The following WWOX variants were observed in gnomAD, a reference collection of about 807,000 sequenced individuals.
WWOX encodes WW domain-containing oxidoreductase.
In WWOX, 69 loss-of-function variants were observed where a neutral mutation model predicts 46.2. The observed-to-expected ratio is 1.49, with a 90% CI of 1.23 to 1.82. The LOEUF is 1.82. WWOX is among the 40% of genes most tolerant of loss of function. WWOX has a pLI of 0.00. For synonymous variants in WWOX, 359 were observed against 202.6 expected (o/e 1.77, Z -6.56); for missense variants, 919 against 542.6 (o/e 1.69, Z -6.89).
At chr16:78,800,457 C>G (rs1016401700) in intron 8 of WWOX, among the ~76,000 whole-genome samples, 4 of 152,132 alleles carry the variant, frequency 2.6e-5, no homozygotes, top group East Asian at 1.9e-4. Context: ...AAAATGGCCC[C>G]AAATAAAGTG....
At chr16:78,352,069 ATGG>A (rs1172653872) in intron 5 of WWOX, among the ~76,000 whole-genome samples, 1 of 152,142 alleles carries the variant, frequency 6.6e-6, no homozygotes, top group East Asian at 1.9e-4. Context: ...AGTGGTGGAG[ATGG>A]TGGCGCACAA....
chr16:78,173,935 T>C (rs916701518), intron 5 of WWOX, among the ~76,000 whole-genome samples: 2 of 151,822 alleles, frequency 1.3e-5, no homozygotes, highest in Non-Finnish European at 2.9e-5. Flanking sequence ...TGTGTCCTCA[T>C]ATGGTGGAGA....
chr16:78,783,471 G>T (rs1022923221), intron 8 of WWOX, among the ~76,000 whole-genome samples: 1 of 152,184 alleles, frequency 6.6e-6, no homozygotes, highest in African/African-American at 2.4e-5. Context: ...AGCTCTTTCT[G>T]CAAAGGGAAA....
At chr16:78,632,709 C>T (rs1208857957) in intron 8 of WWOX, among the ~76,000 whole-genome samples, 2 of 151,674 alleles carry the variant, frequency 1.3e-5, no homozygotes, top group East Asian at 2.0e-4. Context: ...CAGGTGTGCG[C>T]CACCACGCCC....
chr16:79,162,086 C>T (rs538978338), intron 8 of WWOX, among the ~76,000 whole-genome samples: 43 of 152,280 alleles, frequency 2.8e-4, no homozygotes, highest in African/African-American at 1.0e-3. Context: ...TCACTGGCTA[C>T]CCCCTGAATC....
chr16:78,699,666 G>A (rs2048171680), intron 8 of WWOX, among the ~76,000 whole-genome samples: 1 of 152,150 alleles, frequency 6.6e-6, no homozygotes, highest in Non-Finnish European at 1.5e-5. Context: ...AAAAAGGAGA[G>A]TCAGCTATTC....
At chr16:78,424,269 C>T (rs2083024919) in intron 6 of WWOX, among the ~76,000 whole-genome samples, 1 of 151,792 alleles carries the variant, frequency 6.6e-6, no homozygotes, top group Non-Finnish European at 1.5e-5. Flanking sequence ...AGACATATAC[C>T]ACCACACCTG....
At chr16:78,946,729 C>T (rs1224883853) in intron 8 of WWOX, among the ~76,000 whole-genome samples, 6 of 151,962 alleles carry the variant, frequency 3.9e-5, no homozygotes, top group African/African-American at 1.5e-4. Context: ...CGTTGAGAGT[C>T]ATGCGGGCCA....
At chr16:79,064,155 C>G (rs998545287) in intron 8 of WWOX, among the ~76,000 whole-genome samples, 1 of 152,182 alleles carries the variant, frequency 6.6e-6, no homozygotes, top group Non-Finnish European at 1.5e-5. Flanking sequence ...CCATCACAGG[C>G]AAAATGTGGG....
chr16:78,654,058 A>T (rs192446855), intron 8 of WWOX, among the ~76,000 whole-genome samples: 1 of 152,360 alleles, frequency 6.6e-6, no homozygotes, highest in Admixed American at 6.5e-5. Flanking sequence ...TGAAGTCGTC[A>T]TATTGCTACT....
chr16:78,320,759 A>T (rs761171043), intron 5 of WWOX, among the ~76,000 whole-genome samples: 1 of 152,186 alleles, frequency 6.6e-6, no homozygotes, highest in African/African-American at 2.4e-5. Flanking sequence ...TTTGCAGAAG[A>T]TGGTATACCT....
intron 8 of WWOX, among the ~76,000 whole-genome samples, chr16:79,190,819 T>A (rs1482425998): frequency 2.0e-5 from 3 of 152,212 alleles, no homozygotes; most frequent in African/African-American, 7.2e-5. Flanking sequence ...AGTTGAGTAC[T>A]TATAAATGTA....
chr16:78,123,440 G>GTTTTGTTTTGTTTTTTTTTTTTTTTTTT (rs1567584444), intron 4 of WWOX: 5 of 50,480 alleles, frequency 9.9e-5, no homozygotes, highest in Admixed American at 2.4e-4. Context: ...TTTTTGTTTT[G>GTTTTGTTTTGTTTTTTTTTTTTTTTTTT]TTTTTTTTTT....
chr16:78,584,549 G>A (rs2045146203), intron 8 of WWOX, among the ~76,000 whole-genome samples: 1 of 152,182 alleles, frequency 6.6e-6, no homozygotes, highest in Admixed American at 6.5e-5. Context: ...AGTGAACTGA[G>A]GTGTTATTTT....
chr16:78,148,104 A>G (rs953731692), intron 4 of WWOX, among the ~76,000 whole-genome samples: 1 of 152,234 alleles, frequency 6.6e-6, no homozygotes, highest in African/African-American at 2.4e-5. Flanking sequence ...GTAATAGAAT[A>G]TAGTGTGCTT....
chr16:78,314,701 G>T (rs7194389), intron 5 of WWOX, among the ~76,000 whole-genome samples: 5,547 of 60,446 alleles, frequency 0.092, 215 homozygotes, highest in East Asian at 0.32. Context: ...TTTTTTTTTT[G>T]TTTTTTTTTT....
intron 8 of WWOX, among the ~76,000 whole-genome samples, chr16:78,887,468 A>AACACACAC (rs78503110): frequency 7.4e-6 from 1 of 135,956 alleles, no homozygotes; most frequent in African/African-American, 2.9e-5. Context: ...AAGTATATAA[A>AACACACAC]ACACACACAC....
intron 8 of WWOX, among the ~76,000 whole-genome samples, chr16:78,668,872 C>A (rs1180054066): frequency 6.6e-6 from 1 of 152,170 alleles, no homozygotes; most frequent in East Asian, 1.9e-4. Flanking sequence ...CACTTGATAA[C>A]TCCCTGGCAG....
intron 8 of WWOX, among the ~76,000 whole-genome samples, chr16:78,629,389 C>T (rs923172610): frequency 6.6e-6 from 1 of 152,168 alleles, no homozygotes; most frequent in East Asian, 1.9e-4. Flanking sequence ...AGTAAGATTT[C>T]TCACTGGCAT....
Sources: gnomAD v4.1 joint callset for allele counts (sites outside exome capture counted in the v4.1 genomes callset) on GRCh38, gnomAD v4.1.1 for gene constraint, MANE v1.5 for transcripts, NCBI Gene and HGNC (gene_info 2026-07-23, HGNC 2026-07-21) for gene names.